Variants in CPNE9 observed in about 807,000 individuals in gnomAD.
CPNE9 encodes the protein copine-9.
A neutral mutation model predicts 83.0 loss-of-function variants in CPNE9; 59 were observed. The ratio of observed to expected loss-of-function variants is 0.71; its 90% CI spans 0.58 to 0.88. CPNE9 has a LOEUF of 0.88. Among genes scored for constraint, CPNE9 ranks in the 40% least tolerant of loss-of-function variants. The pLI is 0.00. For synonymous variants in CPNE9, 256 were observed against 273.4 expected (o/e 0.94, Z 0.63); for missense variants, 619 against 720.8 (o/e 0.86, Z 1.62).
At chr3:9,706,701 TG>T (rs1226024355) in intron 7 of CPNE9, among the ~76,000 whole-genome samples, 1 of 152,112 alleles carries the variant, frequency 6.6e-6, no homozygotes, top group Non-Finnish European at 1.5e-5. Context: ...TCAACGGAAC[TG>T]GAAATAATGG....
chr3:9,729,102 G>GA (rs541545600), intron 20 of CPNE9, among the ~76,000 whole-genome samples: 75 of 152,324 alleles, frequency 4.9e-4, no homozygotes, highest in Middle Eastern at 3.4e-3. Context: ...GGAGCTTCAA[G>GA]AAAGGTAAGC....
chr3:9,714,865 CTG>C, intron 10 of CPNE9, 47 bp from the exon 11 acceptor site: 1 of 1,515,052 alleles, frequency 6.6e-7, no homozygotes, highest in Non-Finnish European at 9.1e-7. Context: ...GAGGGTGTCT[CTG>C]GGATTTATCA....
At chr3:9,708,848 T>A (rs558051694) in intron 7 of CPNE9, among the ~76,000 whole-genome samples, 52 of 151,636 alleles carry the variant, frequency 3.4e-4, no homozygotes, top group South Asian at 1.0e-3. Context: ...GTTAGCCAGG[T>A]TGGTCTCGAT....
At chr3:9,715,569 T>G (rs769218088) in intron 13 of CPNE9, 43 bp downstream of exon 13, 2 of 1,533,548 alleles carry the variant, frequency 1.3e-6, no homozygotes, top group South Asian at 1.1e-5. Context: ...GATCCTTCCG[T>G]GTCTGTCCCC....
chr3:9,713,121 T>C, intron 10 of CPNE9, 42 bp downstream of exon 10: 1 of 1,448,172 alleles, frequency 6.9e-7, no homozygotes, highest in Non-Finnish European at 9.7e-7. Context: ...GCCAAGGACA[T>C]GCCAGTGTGG....
chr3:9,711,872 A>T (rs1053036747), intron 7 of CPNE9, among the ~76,000 whole-genome samples: 1 of 152,194 alleles, frequency 6.6e-6, no homozygotes, highest in Non-Finnish European at 1.5e-5. Context: ...TTCAGAAAGC[A>T]CATCAGCTTT....
In CPNE9 at chr3:9,729,682, A is replaced by G; in HGVS notation, c.1652A>G (p.Glu551Gly). Residue 551 changes from glutamate (E) to glycine (G), a missense_variant, in exon 21 of 21, where the codon GAG becomes GGG. Coordinates refer to ENST00000383832, the MANE Select transcript of CPNE9 (RefSeq NM_153635.3). ...PANPSPIPAPEQP is the reference protein window; with the variant it reads ...PANPSPIPAPGQP ...AACCCCAGCCCGATCCCAGCTCCAG[A>G]GCAGCCCTGAGGATTCCACATATCC... 6.2e-7 allele frequency: 1 copy of G among 1,613,056 alleles called. No individual in the cohort carries two copies. Among genetic ancestry groups the G allele is most frequent in the Admixed American group, 1.7e-5 (1 of 59,976 alleles).
At chr3:9,705,118 G>C (rs2076548722) in intron 4 of CPNE9, 124 bp downstream of exon 4, 1 of 736,902 alleles carries the variant, frequency 1.4e-6, no homozygotes, top group Non-Finnish European at 2.4e-6. Context: ...CTCCCATTCT[G>C]AATGGCCCCC....
intron 7 of CPNE9, among the ~76,000 whole-genome samples, chr3:9,709,489 C>T (rs1474727582): frequency 6.6e-6 from 1 of 150,534 alleles, no homozygotes; most frequent in Non-Finnish European, 1.5e-5. Flanking sequence ...CTGCCTCAGC[C>T]TCCCGAGTAG....
chr3:9,712,363 A>G (rs976203148), intron 7 of CPNE9, among the ~76,000 whole-genome samples, 178 bp from the exon 8 acceptor site: 5 of 152,118 alleles, frequency 3.3e-5, no homozygotes, highest in Admixed American at 2.6e-4. Flanking sequence ...CCTTTTCACC[A>G]GACTGCAGAC....
chr3:9,706,743 G>T (rs955458988), intron 7 of CPNE9, among the ~76,000 whole-genome samples: 1 of 152,186 alleles, frequency 6.6e-6, no homozygotes, highest in Non-Finnish European at 1.5e-5. Context: ...TCAACAGTGC[G>T]GTTGAGCAGG....
At position 9,717,101 on chromosome 3, in the gene CPNE9, A is replaced by C. The variant is rs775166546; in HGVS notation, c.928A>C (p.Asn310His). The change falls in exon 15 of 21, where the codon AAT becomes CAT. Residue 310 changes from asparagine (N) to histidine (H), a missense_variant. Asn to His is a moderately conservative substitution (Grantham distance 68, BLOSUM62 1). Transcript: ENST00000383832. The stretch of plus-strand genomic sequence containing the variant: ...AGTAGCCATTGACTTCACGGCTTCC[A>C]ATGGTGAGACACGGATGAGTGAAAA... ...FTVAIDFTAS[N>H]GNPLQPTSLH... 6.2e-7 allele frequency: 1 copy of C among 1,614,206 alleles called. No homozygotes were observed. Among genetic ancestry groups the C allele is most frequent in the Non-Finnish European group, 8.5e-7 (1 of 1,180,020 alleles).
At position 9,718,510 on chromosome 3, in the gene CPNE9, C is replaced by G; in HGVS notation, c.1149C>G (p.Ile383Met). 1 of 1,613,556 alleles carries G rather than the reference C, an allele frequency of 6.2e-7. No individual in the cohort carries two copies. Among genetic ancestry groups the G allele is most frequent in the Non-Finnish European group, 8.5e-7 (1 of 1,179,948 alleles). ...ATGAGGACCCCAACTGTGCGGGCAT[C>G]GAGGGTGTGCTGGAGAGCTATTTCC... ...NNDEDPNCAG[I>M]EGVLESYFQS... The change falls in exon 17 of 21, where the codon ATC (isoleucine) becomes ATG (methionine). Residue 383 changes from isoleucine to methionine, a missense_variant. This residue lies in a region of CPNE9 where 438 missense variants were observed against 562.9 expected (regional missense o/e 0.78). Coordinates refer to ENST00000383832, the MANE Select transcript of CPNE9 (RefSeq NM_153635.3).
At position 9,704,138 on chromosome 3, in the gene CPNE9, G is replaced by A. The variant is rs1199549232; in HGVS notation, c.68+74G>A. On this transcript the variant is annotated intron_variant, in intron 1 of 20. Transcript: ENST00000383832. The surrounding 1 kb of genome is among the most constrained non-coding windows in gnomAD (Gnocchi z 7.1). ...CCCAGCCAGCCGCGGGGCTCAGCCT[G>A]GGCAGGGGCTAGACCCCCGGGGAGA... The A allele has an allele frequency of 1.4e-6, 2 of 1,439,690 alleles. No homozygotes were observed. Among genetic ancestry groups the A allele is most frequent in the Non-Finnish European group, 1.9e-6 (2 of 1,048,776 alleles). 89.2% of individuals were successfully genotyped at this position (1,439,690 alleles called of 1,614,324 possible). A position where few individuals can be genotyped will look rare whatever the true frequency, so the allele number is the denominator to read the frequency against.
intron 10 of CPNE9, among the ~76,000 whole-genome samples, chr3:9,714,246 G>A (rs1458977992): frequency 6.6e-6 from 1 of 152,204 alleles, no homozygotes; most frequent in Non-Finnish European, 1.5e-5. Flanking sequence ...ATGCCTCAGT[G>A]AGTCAGTGAA....
chr3:9,705,823 C>G lies in CPNE9; in HGVS notation c.300+103C>G, dbSNP rs2076558037. On this transcript the variant is annotated intron_variant, in intron 6 of 20. Transcript: ENST00000383832. ...TACAAGGCAGAGATTGCTCGCAGAC[C>G]CCTTCTTTCACACCCCCTCCATTAA... The G allele has an allele frequency of 3.5e-6, 5 of 1,415,252 alleles. No individual in the cohort carries two copies. The Admixed American group carries it at 8.8e-5, about 25-fold the overall frequency. The allele number at this position is 1,415,252 out of a possible 1,614,324, so 87.7% of individuals were successfully genotyped here. A position where few individuals can be genotyped will look rare whatever the true frequency, so the allele number is the denominator to read the frequency against.
intron 14 of CPNE9, 92 bp from the exon 15 acceptor site, chr3:9,716,966 C>T: frequency 1.5e-6 from 2 of 1,334,270 alleles, no homozygotes; most frequent in Non-Finnish European, 2.1e-6. Context: ...TAACATGAGC[C>T]CCACGTGATC....
At chr3:9,706,400 G>A (rs1377600783) in intron 7 of CPNE9, among the ~76,000 whole-genome samples, 2 of 151,810 alleles carry the variant, frequency 1.3e-5, no homozygotes, top group African/African-American at 4.8e-5. Flanking sequence ...CAAATCCTCA[G>A]GAATTACCAT....
chr3:9,719,286 G>A (rs971743991), intron 17 of CPNE9, among the ~76,000 whole-genome samples: 3 of 152,128 alleles, frequency 2.0e-5, no homozygotes, highest in African/African-American at 2.4e-5. Context: ...CCAATCCCCC[G>A]TGGATACTGA....
Sources: gnomAD v4.1 joint callset for allele counts (sites outside exome capture counted in the v4.1 genomes callset) on GRCh38, gnomAD v4.1.1 for gene constraint, gnomAD v4.1.1 regional missense constraint, Gnocchi (gnomAD v3.1) non-coding constraint, MANE v1.5 for transcripts, NCBI Gene and HGNC (gene_info 2026-07-23, HGNC 2026-07-21) for gene names.